Variants in NEGR1 observed in about 807,000 individuals in gnomAD.
NEGR1 encodes the protein neuronal growth regulator 1.
A neutral mutation model predicts 40.9 loss-of-function variants in NEGR1; 10 were observed. The observed-to-expected ratio is 0.24, with a 90% CI of 0.15 to 0.42. The LOEUF (loss-of-function observed/expected upper bound fraction) is 0.42. Among genes scored for constraint, NEGR1 ranks in the 10% least tolerant of loss-of-function variants. NEGR1 has a pLI of 1.00. For synonymous variants in NEGR1, 185 were observed against 166.8 expected (o/e 1.11, Z -0.84); for missense variants, 352 against 438.9 (o/e 0.80, Z 1.77).
At chr1:72,084,107 T>G (rs1470734514) in intron 1 of NEGR1, among the ~76,000 whole-genome samples, 2 of 152,168 alleles carry the variant, frequency 1.3e-5, no homozygotes, top group Admixed American at 6.6e-5. Flanking sequence ...TTTCTTTTTT[T>G]TTCTTTTACA....
chr1:72,219,441 C>T (rs538043991), intron 1 of NEGR1, among the ~76,000 whole-genome samples: 70 of 152,006 alleles, frequency 4.6e-4, no homozygotes, highest in African/African-American at 1.7e-3. Flanking sequence ...ATTTTCTTTA[C>T]AGTGCCAAGG....
chr1:71,595,557 G>A (rs1161406329), intron 5 of NEGR1, among the ~76,000 whole-genome samples: 1 of 152,056 alleles, frequency 6.6e-6, no homozygotes, highest in African/African-American at 2.4e-5. Context: ...GTATGAAGAC[G>A]GGCTTTCTCA....
intron 1 of NEGR1, among the ~76,000 whole-genome samples, chr1:72,143,986 C>T (rs1207045597): frequency 7.6e-5 from 11 of 144,714 alleles, no homozygotes; most frequent in Admixed American, 6.3e-4. Context: ...GTAAGAAAGA[C>T]CTGAGATGGT....
intron 1 of NEGR1, among the ~76,000 whole-genome samples, chr1:72,027,676 T>C (rs1646824131): frequency 6.6e-6 from 1 of 152,238 alleles, no homozygotes. Flanking sequence ...ATATAAATAA[T>C]CATTAGTCTG....
intron 1 of NEGR1, among the ~76,000 whole-genome samples, chr1:72,020,557 G>T (rs1646747776): frequency 6.6e-6 from 1 of 151,906 alleles, no homozygotes; most frequent in Non-Finnish European, 1.5e-5. Flanking sequence ...AAAAAAACCT[G>T]AAATACAAGA....
At chr1:71,956,233 C>G (rs1646118430) in intron 1 of NEGR1, among the ~76,000 whole-genome samples, 1 of 152,078 alleles carries the variant, frequency 6.6e-6, no homozygotes, top group Non-Finnish European at 1.5e-5. Flanking sequence ...ATTCACAGAG[C>G]CTAGCACAGT....
At chr1:71,557,123 A>T (rs555516606) in intron 6 of NEGR1, among the ~76,000 whole-genome samples, 1 of 151,644 alleles carries the variant, frequency 6.6e-6, no homozygotes, top group Non-Finnish European at 1.5e-5. Flanking sequence ...GATAGTCTGT[A>T]GTTAAAGATT....
intron 1 of NEGR1, among the ~76,000 whole-genome samples, chr1:72,078,815 A>G (rs1236751556): frequency 6.7e-6 from 1 of 150,296 alleles, no homozygotes; most frequent in Admixed American, 6.6e-5. Context: ...AATTTTTTGT[A>G]TTCTTAGTAG....
chr1:72,150,343 T>C (rs1651075378), intron 1 of NEGR1, among the ~76,000 whole-genome samples: 1 of 152,208 alleles, frequency 6.6e-6, no homozygotes, highest in African/African-American at 2.4e-5. Context: ...AAAATCTGGT[T>C]GAGATTTCCT....
chr1:71,927,963 C>A (rs1419126086), intron 2 of NEGR1, among the ~76,000 whole-genome samples: 1 of 146,702 alleles, frequency 6.8e-6, no homozygotes, highest in African/African-American at 2.5e-5. Context: ...TGAGCCACTA[C>A]ACTTCAGCCT....
chr1:71,474,729 A>AC lies in NEGR1; in HGVS notation c.941-67160_941-67159insG, dbSNP rs746759908. Reference sequence around the variant, plus strand: ...CGAGACTCTATCTCAAAAAAAAAAAAAAAAAAAAACAAAAAAACAAAACCA... The same window carrying AC: ...CGAGACTCTATCTCAAAAAAAAAAAACAAAAAAAAACAAAAAAACAAAACCA... On this transcript the variant is annotated intron_variant, in intron 6 of 6. Coordinates refer to ENST00000357731, the MANE Select transcript of NEGR1 (RefSeq NM_173808.3). Among the ~76,000 whole-genome samples, 9 of 150,712 alleles carry AC rather than the reference A, an allele frequency of 6.0e-5. No homozygotes were observed. The East Asian group carries it at 1.4e-3, about 23-fold the overall frequency.
chr1:71,942,463 A>C (rs1281698658), intron 1 of NEGR1, among the ~76,000 whole-genome samples: 7 of 8,052 alleles, frequency 8.7e-4, no homozygotes, highest in Non-Finnish European at 2.0e-3. Flanking sequence ...ATCTATATAT[A>C]TATATATATA....
At position 72,275,931 on chromosome 1, in the gene NEGR1, TA is replaced by T; in HGVS notation, c.176+6387del. On this transcript the variant is annotated intron_variant, in intron 1 of 6. Coordinates refer to ENST00000357731, the MANE Select transcript of NEGR1 (RefSeq NM_173808.3). ...GGGCAACACAGTAAGACACCATCTC[TA>T]AAAATAAAAATAAATTAGCCAGGTA... Among the ~76,000 whole-genome samples the T allele has an allele frequency of 1.3e-5, 2 of 151,872 alleles. 1 individual carries two copies. Among genetic ancestry groups the T allele is most frequent in the East Asian group, 3.9e-4 (2 of 5,164 alleles).
At chr1:72,123,300 T>C (rs1649874723) in intron 1 of NEGR1, among the ~76,000 whole-genome samples, 3 of 151,876 alleles carry the variant, frequency 2.0e-5, no homozygotes, top group African/African-American at 7.2e-5. Context: ...TAGATAATCT[T>C]GACATTGTAT....
rs182354955 is a variant in NEGR1 at position 72,251,556 on chromosome 1, A to T, written c.176+30763T>A. ...ACGGCATAATATTCGCATATAACCT[A>T]CCCTCATCCTTCCATGTACTTCATC... On this transcript the variant is annotated intron_variant, in intron 1 of 6. Transcript: ENST00000357731. Among the ~76,000 whole-genome samples, 6 of 152,220 alleles carry T rather than the reference A, an allele frequency of 3.9e-5. No homozygotes were observed. The East Asian group carries it at 7.7e-4, about 20-fold the overall frequency.
At chr1:71,760,153 A>G (rs1655891688) in intron 3 of NEGR1, among the ~76,000 whole-genome samples, 1 of 152,154 alleles carries the variant, frequency 6.6e-6, no homozygotes, top group Non-Finnish European at 1.5e-5. Context: ...ATAAAATTCC[A>G]TAAGAAAAAA....
intron 1 of NEGR1, among the ~76,000 whole-genome samples, chr1:71,998,809 G>A (rs115285481): frequency 0.014 from 2,174 of 151,422 alleles, 47 homozygotes; most frequent in African/African-American, 0.05. Flanking sequence ...TACATACAAT[G>A]TTGATATATA....
chr1:71,919,533 C>T (rs1190910487), intron 2 of NEGR1, among the ~76,000 whole-genome samples: 2 of 141,180 alleles, frequency 1.4e-5, no homozygotes, highest in African/African-American at 2.7e-5. Context: ...ACTTTGAGAA[C>T]AGGATAAAAA....
intron 1 of NEGR1, among the ~76,000 whole-genome samples, chr1:71,957,867 C>A (rs1436355650): frequency 6.6e-6 from 1 of 152,222 alleles, no homozygotes; most frequent in African/African-American, 2.4e-5. Flanking sequence ...CCAGCCATTT[C>A]TCCTAGAATT....
Sources: gnomAD v4.1 joint callset for allele counts (sites outside exome capture counted in the v4.1 genomes callset) on GRCh38, gnomAD v4.1.1 for gene constraint, MANE v1.5 for transcripts, NCBI Gene and HGNC (gene_info 2026-07-23, HGNC 2026-07-21) for gene names.